NEK1: variants seen among roughly 807,000 people sequenced by gnomAD.
The protein encoded by NEK1 is serine/threonine-protein kinase Nek1.
NEK1 carries 137 observed loss-of-function variants against 182.1 expected under a neutral mutation model. The ratio of observed to expected loss-of-function variants is 0.75; its 90% CI spans 0.65 to 0.87. The LOEUF (loss-of-function observed/expected upper bound fraction) is 0.87. Among genes scored for constraint, NEK1 ranks in the 40% least tolerant of loss-of-function variants. NEK1 has a pLI of 0.00. For missense variants in NEK1, 1,391 were observed against 1,494.4 expected (o/e 0.93, Z 1.14); for synonymous variants, 513 against 492.2 (o/e 1.04, Z -0.56).
chr4:169,610,460 C>T (rs1385131839), intron 2 of NEK1, among the ~76,000 whole-genome samples: 6 of 152,032 alleles, frequency 3.9e-5, no homozygotes, highest in African/African-American at 9.6e-5. Context: ...ATTACAGGCA[C>T]GCACCACCAC....
At chr4:169,394,566 T>C in intron 35 of NEK1, 43 bp from the exon 36 acceptor site, 1 of 1,240,082 alleles carries the variant, frequency 8.1e-7, no homozygotes, top group Non-Finnish European at 1.1e-6. Context: ...CAAATCAAGC[T>C]GTATCTACTT....
chr4:169,442,437 G>A (rs1025554401), intron 27 of NEK1, among the ~76,000 whole-genome samples: 2 of 151,896 alleles, frequency 1.3e-5, no homozygotes, highest in East Asian at 3.9e-4. Flanking sequence ...TACATATACG[G>A]GAAAAAGTCT....
chr4:169,411,526 A>G (rs1733678827), intron 31 of NEK1, among the ~76,000 whole-genome samples: 1 of 152,108 alleles, frequency 6.6e-6, no homozygotes, highest in Admixed American at 6.5e-5. Flanking sequence ...GGGTTTCACC[A>G]TGTTGGCCAG....
At chr4:169,463,045 G>C (rs918176828) in intron 27 of NEK1, among the ~76,000 whole-genome samples, 198 bp downstream of exon 27, 1 of 151,676 alleles carries the variant, frequency 6.6e-6, no homozygotes, top group African/African-American at 2.4e-5. Context: ...TCCCATCCAG[G>C]TCTATCAGGT....
At chr4:169,533,882 T>C (rs960897825) in intron 19 of NEK1, among the ~76,000 whole-genome samples, 2 of 152,198 alleles carry the variant, frequency 1.3e-5, no homozygotes, top group African/African-American at 2.4e-5. Context: ...AGTACTCACA[T>C]TGAAAGCATT....
intron 23 of NEK1, among the ~76,000 whole-genome samples, chr4:169,480,983 G>A (rs1044354164): frequency 1.2e-4 from 19 of 152,112 alleles, no homozygotes; most frequent in African/African-American, 3.6e-4. Context: ...TTGCTTTATC[G>A]ACTAAGTTTA....
At chr4:169,592,730 T>C (rs890441050) in intron 5 of NEK1, among the ~76,000 whole-genome samples, 1 of 151,728 alleles carries the variant, frequency 6.6e-6, no homozygotes. Context: ...TTCAGTTCTA[T>C]AGATATTTAT....
intron 23 of NEK1, among the ~76,000 whole-genome samples, chr4:169,491,069 G>A (rs964259533): frequency 1.4e-5 from 2 of 141,552 alleles, no homozygotes; most frequent in African/African-American, 5.2e-5. Context: ...CTTGAACCCA[G>A]GAGGTGGAGG....
chr4:169,587,554 C>T lies in NEK1; in HGVS notation c.606+5G>A. 2.0e-6 allele frequency: 3 copies of T among 1,463,586 alleles called. No homozygotes were observed. The highest frequency in any genetic ancestry group is 1.4e-5 in the South Asian group (1 of 72,222). 90.7% of individuals were successfully genotyped at this position (1,463,586 alleles called of 1,614,324 possible). A position where few individuals can be genotyped will look rare whatever the true frequency, so the allele number is the denominator to read the frequency against. On this transcript the variant is annotated splice_donor_5th_base_variant and intron_variant, in intron 9 of 35. Transcript: ENST00000507142. The stretch of plus-strand genomic sequence containing the variant: ...TTTGAAAGTATTTCAGAAACTTCTA[C>T]TTACAGCATGTTTAAGTGTACACAG...
chr4:169,408,591 C>A (rs1235836954), intron 31 of NEK1, among the ~76,000 whole-genome samples: 2 of 152,090 alleles, frequency 1.3e-5, no homozygotes, highest in African/African-American at 4.8e-5. Context: ...TACACTGTAC[C>A]CAACGTGCAG....
At chr4:169,439,902 G>A (rs1014654248) in intron 27 of NEK1, among the ~76,000 whole-genome samples, 37 of 145,884 alleles carry the variant, frequency 2.5e-4, no homozygotes, top group Non-Finnish European at 4.5e-4. Flanking sequence ...CACCCAGTGC[G>A]GTGGCGTGAT....
At chr4:169,593,768 C>G (rs952132495) in intron 5 of NEK1, among the ~76,000 whole-genome samples, 1 of 152,126 alleles carries the variant, frequency 6.6e-6, no homozygotes, top group Non-Finnish European at 1.5e-5. Context: ...GCGGGCAGAT[C>G]ACGAGGTCAG....
chr4:169,503,253 T>C (rs6811876), intron 23 of NEK1, among the ~76,000 whole-genome samples: 42,952 of 151,996 alleles, frequency 0.28, 8,627 homozygotes, highest in African/African-American at 0.58. Flanking sequence ...GAAGTGCATT[T>C]AATGCCCATG....
intron 12 of NEK1, among the ~76,000 whole-genome samples, chr4:169,571,306 GGCCAGGAACTATTT>G (rs1001290180): frequency 6.6e-6 from 1 of 152,114 alleles, no homozygotes; most frequent in African/African-American, 2.4e-5. Flanking sequence ...GATTACTTGA[GGCCAGGAACTATTT>G]GCCAGGAACT....
At chr4:169,523,637 G>A (rs915940173) in intron 19 of NEK1, among the ~76,000 whole-genome samples, 2 of 152,158 alleles carry the variant, frequency 1.3e-5, no homozygotes, top group African/African-American at 2.4e-5. Flanking sequence ...TGTTGTTGAC[G>A]CCATTTAGTT....
chr4:169,488,563 T>C (rs931685623), intron 23 of NEK1, among the ~76,000 whole-genome samples: 3 of 152,206 alleles, frequency 2.0e-5, no homozygotes, highest in African/African-American at 7.2e-5. Flanking sequence ...CCATGCTGGT[T>C]TGGTTACAGG....
At chr4:169,494,245 C>T (rs1005999723) in intron 23 of NEK1, among the ~76,000 whole-genome samples, 4 of 152,142 alleles carry the variant, frequency 2.6e-5, no homozygotes, top group Non-Finnish European at 4.4e-5. Context: ...CTATCCCTCC[C>T]CACTACCCCC....
chr4:169,569,902 C>T (rs1242138295), intron 12 of NEK1, among the ~76,000 whole-genome samples: 2 of 152,218 alleles, frequency 1.3e-5, no homozygotes, highest in Non-Finnish European at 2.9e-5. Context: ...GTAGCCTCTG[C>T]CCAGCCGCCA....
At chr4:169,523,173 C>G (rs1243109403) in intron 19 of NEK1, among the ~76,000 whole-genome samples, 5 of 152,294 alleles carry the variant, frequency 3.3e-5, no homozygotes, top group Non-Finnish European at 2.9e-5. Context: ...GCAACATACT[C>G]TATAACATGA....
Sources: gnomAD v4.1 joint callset for allele counts (sites outside exome capture counted in the v4.1 genomes callset) on GRCh38, gnomAD v4.1.1 for gene constraint, MANE v1.5 for transcripts, NCBI Gene and HGNC (gene_info 2026-07-23, HGNC 2026-07-21) for gene names.